The following GOPC variants were observed in gnomAD, a reference collection of about 807,000 sequenced individuals.
The protein encoded by GOPC is golgi associated PDZ and coiled-coil motif containing.
A neutral mutation model predicts 51.2 loss-of-function variants in GOPC; 32 were observed. The ratio of observed to expected loss-of-function variants is 0.63; its 90% CI spans 0.47 to 0.84. The LOEUF is 0.84. Among genes scored for constraint, GOPC ranks in the 40% least tolerant of loss-of-function variants. The pLI, the probability that GOPC is intolerant of heterozygous loss-of-function variation, is 0.00. For synonymous variants in GOPC, 190 were observed against 205.1 expected, an observed-to-expected ratio of 0.93 and a Z score of 0.63; for missense variants, 441 against 555.5, an observed-to-expected ratio of 0.79 and a Z score of 2.07.
At chr6:117,579,575 T>C (rs1420307657) in intron 1 of GOPC, among the ~76,000 whole-genome samples, 2 of 152,154 alleles carry the variant, frequency 1.3e-5, no homozygotes, top group Non-Finnish European at 2.9e-5. Context: ...TCTGAGACTA[T>C]GGTAAGCCTA....
intron 3 of GOPC, chr6:117,575,637 G>A (rs1779870187): frequency 1.9e-6 from 1 of 539,834 alleles, no homozygotes; most frequent in Admixed American, 2.4e-5. Flanking sequence ...TGGCTTCAAT[G>A]GATAGTTGAA....
At chr6:117,573,411 G>A in intron 5 of GOPC, 56 bp downstream of exon 5, 1 of 1,554,988 alleles carries the variant, frequency 6.4e-7, no homozygotes, top group Admixed American at 1.9e-5. Flanking sequence ...GAAAGCAACT[G>A]TGATTAAAGA....
intron 3 of GOPC, among the ~76,000 whole-genome samples, chr6:117,576,789 T>C (rs971685901): frequency 6.6e-6 from 1 of 152,112 alleles, no homozygotes; most frequent in Non-Finnish European, 1.5e-5. Context: ...TCTTGGTTCT[T>C]AGTTAACCTG....
rs756468513 is a variant in GOPC, at chr6:117,602,318, G to A, written c.-30C>T. 5.8e-5 allele frequency: 89 copies of A among 1,541,800 alleles called. 3 individuals are homozygous for A. The South Asian group carries it at 9.0e-4, about 16-fold the overall frequency. ...CCGTCAAGGGCCTCTCCCGACTGCT[G>A]AAGACCCTCGCCGCCCCCCGCGCAC... On this transcript the variant is annotated 5_prime_UTR_variant, in exon 1 of 9. Coordinates refer to ENST00000368498, the MANE Select transcript of GOPC (RefSeq NM_020399.4).
intron 4 of GOPC, 145 bp from the exon 5 acceptor site, chr6:117,573,777 G>T: frequency 1.7e-6 from 1 of 572,266 alleles, no homozygotes; most frequent in Non-Finnish European, 2.9e-6. Flanking sequence ...ATGTCTCTCA[G>T]ATATAAAAAA....
chr6:117,598,130 A>G (rs1393025337), intron 1 of GOPC, among the ~76,000 whole-genome samples: 1 of 151,466 alleles, frequency 6.6e-6, no homozygotes, highest in Non-Finnish European at 1.5e-5. Flanking sequence ...AGGTTGAGGC[A>G]GGAGGATCTC....
chr6:117,601,885 C>T, intron 1 of GOPC, 119 bp downstream of exon 1: 1 of 1,133,548 alleles, frequency 8.8e-7, no homozygotes. Context: ...ACTCTCCCAT[C>T]ACATTTGAAG....
chr6:117,574,238 GA>G (rs2114611290), intron 4 of GOPC, among the ~76,000 whole-genome samples: 1 of 150,420 alleles, frequency 6.6e-6, no homozygotes, highest in South Asian at 2.1e-4. Flanking sequence ...GCGACAGAGT[GA>G]GACCCCATCT....
Position 117,561,684 on chromosome 6 carries a change from C to T in GOPC, c.*1570G>A, listed in dbSNP as rs1361133181. ...TTAAATACTAGCTTTTGCTCAGAGA[C>T]AATGCTATAAAGTATTTTAATGTCA... On this transcript the variant is annotated 3_prime_UTR_variant, in exon 9 of 9. Transcript: ENST00000368498. 4.9e-6 allele frequency: 1 copy of T among 204,092 alleles called. No individual in the cohort carries two copies. The highest frequency in any genetic ancestry group is 1.0e-5 in the Non-Finnish European group (1 of 99,322). The allele number at this position is 204,092 out of a possible 1,614,324, so 12.6% of individuals were successfully genotyped here. A position where few individuals can be genotyped will look rare whatever the true frequency, so the allele number is the denominator to read the frequency against.
chr6:117,582,520 T>A (rs77854887), intron 1 of GOPC, among the ~76,000 whole-genome samples: 3,349 of 151,082 alleles, frequency 0.022, 131 homozygotes, highest in African/African-American at 0.078. Flanking sequence ...CTGCCCCCCA[T>A]CCTGTGCCAG....
chr6:117,568,446 GTTAGCATT>G (rs1473030955), intron 7 of GOPC, among the ~76,000 whole-genome samples: 1 of 152,170 alleles, frequency 6.6e-6, no homozygotes, highest in Non-Finnish European at 1.5e-5. Flanking sequence ...TATGTGCTTA[GTTAGCATT>G]TCCTTAAAAC....
intron 1 of GOPC, among the ~76,000 whole-genome samples, chr6:117,598,106 A>G (rs1235429004): frequency 6.6e-6 from 1 of 151,718 alleles, no homozygotes; most frequent in African/African-American, 2.4e-5. Context: ...TACCTGTAAT[A>G]CCAGCATTTC....
intron 7 of GOPC, among the ~76,000 whole-genome samples, chr6:117,568,905 ACT>A (rs1394658486): frequency 2.6e-5 from 4 of 152,214 alleles, no homozygotes; most frequent in Non-Finnish European, 4.4e-5. Context: ...GGCATACCAC[ACT>A]GATAATCCAA....
chr6:117,599,249 C>T (rs545566176), intron 1 of GOPC, among the ~76,000 whole-genome samples: 140 of 152,184 alleles, frequency 9.2e-4, no homozygotes, highest in Non-Finnish European at 1.5e-3. Context: ...CTGAATGTCA[C>T]GTTTGTCATA....
rs1779600785 is a variant in GOPC, at chr6:117,562,334, T to C, written c.*920A>G. On this transcript the variant is annotated 3_prime_UTR_variant, in exon 9 of 9. Transcript: ENST00000368498. ...TTTGATTTGAATGTACTGTGTTTCA[T>C]GACATAGTAATAAATCTGAACTTTT... The C allele has an allele frequency of 5.0e-6, 1 of 200,786 alleles. No homozygotes were observed. The highest frequency in any genetic ancestry group is 2.3e-5 in the African/African-American group (1 of 43,522). The allele number at this position is 200,786 out of a possible 1,614,324, so 12.4% of individuals were successfully genotyped here.
Position 117,569,168 on chromosome 6 carries a change from T to TA in GOPC, c.1077+403dup, listed in dbSNP as rs776853883. Among the ~76,000 whole-genome samples, 22 of 152,352 alleles carry TA rather than the reference T, an allele frequency of 1.4e-4. No homozygotes were observed. The East Asian group carries it at 3.1e-3, about 21-fold the overall frequency. ...GATTTCAATTTTAATATTCCATGAC[T>TA]AAAATCAATCTACTTCTAGCACTGT... On this transcript the variant is annotated intron_variant, in intron 7 of 8. Transcript: ENST00000368498.
At chr6:117,571,235 C>T (rs1355056566) in intron 5 of GOPC, among the ~76,000 whole-genome samples, 1 of 152,050 alleles carries the variant, frequency 6.6e-6, no homozygotes, top group Non-Finnish European at 1.5e-5. Flanking sequence ...GAAATGATTT[C>T]CAGGAATTAA....
Position 117,575,328 on chromosome 6 carries a change from T to C in GOPC, c.499A>G (p.Lys167Glu). Residue 167 changes from lysine to glutamate, a missense_variant, in exon 4 of 9, where the codon AAA (lysine) becomes GAA (glutamate). Transcript: ENST00000368498. ...AGTTGTGCTTCTTTCATTTTTTCTT[T>C]TTTGTTTGCCTCAAGCTCTCTTTCC... The part of the protein sequence containing the change: ...ELERELEANK[K>E]EKMKEAQLEA... 6.2e-7 allele frequency: 1 copy of C among 1,610,730 alleles called. No homozygotes were observed. The highest frequency in any genetic ancestry group is 8.5e-7 in the Non-Finnish European group (1 of 1,178,762).
chr6:117,596,571 C>T lies in GOPC; in HGVS notation c.285+5433G>A, dbSNP rs1029925440. 7.2e-5 allele frequency among the ~76,000 whole-genome samples: 11 copies of T among 151,974 alleles called. No homozygotes were observed. The East Asian group carries it at 7.7e-4, about 11-fold the overall frequency. Reference sequence around the variant, plus strand: ...TCCATCTTGAGTTGATTTTTATATACGGTAAGAGAGGAGGATCCAGTTTCA... The same window carrying T: ...TCCATCTTGAGTTGATTTTTATATATGGTAAGAGAGGAGGATCCAGTTTCA... On this transcript the variant is annotated intron_variant, in intron 1 of 8. Coordinates refer to ENST00000368498, the MANE Select transcript of GOPC (RefSeq NM_020399.4).
Sources: gnomAD v4.1 joint callset for allele counts (sites outside exome capture counted in the v4.1 genomes callset) on GRCh38, gnomAD v4.1.1 for gene constraint, MANE v1.5 for transcripts, NCBI Gene and HGNC (gene_info 2026-07-23, HGNC 2026-07-21) for gene names.